Variants in CDH10 observed in about 807,000 individuals in gnomAD.
CDH10 encodes the protein cadherin 10, also known as cadherin-10.
Under a neutral mutation model 73.1 loss-of-function variants are expected in CDH10, and 30 were observed. That is an observed-to-expected ratio of 0.41 (90% CI 0.31 to 0.56). The LOEUF (loss-of-function observed/expected upper bound fraction) is 0.56, where lower values mean the gene tolerates loss of function less well. CDH10 is among the 20% of genes least tolerant of loss of function. The pLI is 0.27. For synonymous variants in CDH10, 345 were observed against 348.2 expected, an observed-to-expected ratio of 0.99 and a Z score of 0.10; for missense variants, 815 against 973.7, an observed-to-expected ratio of 0.84 and a Z score of 2.17.
At chr5:24,638,998 T>A (rs1009781932) in intron 1 of CDH10, among the ~76,000 whole-genome samples, 16 of 151,676 alleles carry the variant, frequency 1.1e-4, no homozygotes, top group South Asian at 2.1e-4. Context: ...AACGTTTTGG[T>A]TTATTTAAGG....
chr5:24,554,473 C>CGTGT (rs70965612), intron 2 of CDH10, among the ~76,000 whole-genome samples: 10 of 149,440 alleles, frequency 6.7e-5, no homozygotes, highest in African/African-American at 1.5e-4. Flanking sequence ...TCTCCCTATT[C>CGTGT]GTGTGTGTGT....
chr5:24,538,425 T>C (rs182965525), intron 2 of CDH10, among the ~76,000 whole-genome samples: 1 of 152,144 alleles, frequency 6.6e-6, no homozygotes, highest in Non-Finnish European at 1.5e-5. Flanking sequence ...GTCTTGCTTC[T>C]TTTCCTGAGC....
chr5:24,531,618 T>C (rs10942053), intron 5 of CDH10, among the ~76,000 whole-genome samples: 70,138 of 151,702 alleles, frequency 0.46, 16,452 homozygotes, highest in East Asian at 0.58. Flanking sequence ...CCAATTATAA[T>C]ACCATCGGAT....
chr5:24,620,389 A>G (rs988015336), intron 1 of CDH10, among the ~76,000 whole-genome samples: 7 of 152,190 alleles, frequency 4.6e-5, no homozygotes, highest in African/African-American at 9.6e-5. Flanking sequence ...AAATTATTAA[A>G]AAGCAGTTAT....
chr5:24,593,197 A>G, intron 2 of CDH10, 63 bp downstream of exon 2: 1 of 914,290 alleles, frequency 1.1e-6, no homozygotes, highest in South Asian at 1.5e-5. Context: ...TGACCTTCAA[A>G]TTTTCATCAG....
intron 1 of CDH10, among the ~76,000 whole-genome samples, chr5:24,621,437 C>A (rs1417647934): frequency 6.6e-6 from 1 of 152,188 alleles, no homozygotes; most frequent in African/African-American, 2.4e-5. Flanking sequence ...AAATAAGTAA[C>A]ACAGCAGAAA....
intron 1 of CDH10, among the ~76,000 whole-genome samples, chr5:24,626,792 A>ATATGTGTG (rs991988107): frequency 1.3e-5 from 2 of 149,052 alleles, no homozygotes; most frequent in African/African-American, 4.9e-5. Context: ...ATATATATAT[A>ATATGTGTG]TGTGTGTGTG....
At chr5:24,509,318 C>A (rs146706011) in intron 7 of CDH10, among the ~76,000 whole-genome samples, 2,035 of 135,542 alleles carry the variant, frequency 0.015, 46 homozygotes, top group African/African-American at 0.049. Context: ...TGGCTCACTG[C>A]AACCTCTGCC....
intron 1 of CDH10, among the ~76,000 whole-genome samples, chr5:24,611,542 T>C (rs981499139): frequency 6.6e-6 from 1 of 152,228 alleles, no homozygotes; most frequent in African/African-American, 2.4e-5. Context: ...AGTGAGAGAA[T>C]AAAATAGGAT....
chr5:24,610,938 G>T (rs189770977), intron 1 of CDH10, among the ~76,000 whole-genome samples: 1 of 152,216 alleles, frequency 6.6e-6, no homozygotes, highest in Non-Finnish European at 1.5e-5. Flanking sequence ...TTTAGTAAAA[G>T]AAAACAGAAA....
intron 5 of CDH10, among the ~76,000 whole-genome samples, chr5:24,527,202 C>T (rs7735545): frequency 0.46 from 68,460 of 147,782 alleles, 16,061 homozygotes; most frequent in East Asian, 0.58. Context: ...ATTTTGTGTA[C>T]ATATGGATGA....
At chr5:24,592,559 T>C (rs1746235828) in intron 2 of CDH10, among the ~76,000 whole-genome samples, 1 of 151,868 alleles carries the variant, frequency 6.6e-6, no homozygotes. Flanking sequence ...AAAGCATTCA[T>C]TAGTACTTTT....
At chr5:24,554,119 G>GAGAGAGAGAGAGAGAGAGA (rs143196281) in intron 2 of CDH10, 508 of 39,728 alleles carry the variant, frequency 0.013, 97 homozygotes, top group African/African-American at 0.038. Flanking sequence ...GGCGGGGGGG[G>GAGAGAGAGAGAGAGAGAGA]GAGAGAGAGA....
At chr5:24,560,059 C>T (rs74496806) in intron 2 of CDH10, among the ~76,000 whole-genome samples, 107 of 152,208 alleles carry the variant, frequency 7.0e-4, no homozygotes, top group Non-Finnish European at 1.3e-3. Context: ...TTTCCTTTAA[C>T]TTTTTAATTT....
At chr5:24,592,806 T>C (rs931675744) in intron 2 of CDH10, among the ~76,000 whole-genome samples, 1 of 151,834 alleles carries the variant, frequency 6.6e-6, no homozygotes, top group African/African-American at 2.4e-5. Context: ...TTTTTGTCCT[T>C]GAATCATATT....
chr5:24,595,917 T>G lies in CDH10; in HGVS notation c.-123-2304A>C, dbSNP rs1051264448. ...TGCTATTGAATAATTGGACCCCACA[T>G]GCATGAGATCATTTCCTTTGTTATT... On this transcript the variant is annotated intron_variant, in intron 1 of 11. Coordinates refer to ENST00000264463, the MANE Select transcript of CDH10 (RefSeq NM_006727.5). Among the ~76,000 whole-genome samples the G allele has an allele frequency of 7.9e-5, 12 of 151,916 alleles. No individual in the cohort carries two copies. The South Asian group carries it at 2.3e-3, about 29-fold the overall frequency.
intron 5 of CDH10, among the ~76,000 whole-genome samples, chr5:24,512,572 A>G (rs1742957960): frequency 6.6e-6 from 1 of 152,206 alleles, no homozygotes; most frequent in African/African-American, 2.4e-5. Context: ...AAAAATATAT[A>G]GATGCCCTTT....
At position 24,487,669 on chromosome 5, in the gene CDH10, G is replaced by T. The variant is rs2111597981; in HGVS notation, c.2361C>A (p.Asp787Glu). ...ACAGAACATATATCCTACGTTAAGA[G>T]TCTTTGTCACTTTCCCCACCACCAT... ...EMYGGGESDKDS is the reference protein window; with the variant it reads ...EMYGGGESDKES Residue 787 changes from aspartate (D) to glutamate (E), a missense_variant, in exon 12 of 12, where the codon GAC becomes GAA. By Grantham distance (45) the Asp-to-Glu change is conservative. Coordinates refer to ENST00000264463, the MANE Select transcript of CDH10 (RefSeq NM_006727.5). 1 of 1,610,582 alleles carries T rather than the reference G, an allele frequency of 6.2e-7. No homozygotes were observed. Among genetic ancestry groups the T allele is most frequent in the Non-Finnish European group, 8.5e-7 (1 of 1,178,056 alleles).
chr5:24,497,662 C>CT (rs1325916599), intron 9 of CDH10, among the ~76,000 whole-genome samples: 1 of 151,940 alleles, frequency 6.6e-6, no homozygotes, highest in Non-Finnish European at 1.5e-5. Flanking sequence ...GTGATGGTTC[C>CT]TTTTTTTAAA....
Sources: gnomAD v4.1 joint callset for allele counts (sites outside exome capture counted in the v4.1 genomes callset) on GRCh38, gnomAD v4.1.1 for gene constraint, MANE v1.5 for transcripts, NCBI Gene and HGNC (gene_info 2026-07-23, HGNC 2026-07-21) for gene names.